Variants in DPP10 observed in about 807,000 individuals in gnomAD.
DPP10 encodes the protein inactive dipeptidyl peptidase 10.
In DPP10, 33 loss-of-function variants were observed where a neutral mutation model predicts 120.9. That is an observed-to-expected ratio of 0.27 (90% CI 0.21 to 0.37). DPP10 has a LOEUF of 0.37. Among genes scored for constraint, DPP10 ranks in the 10% least tolerant of loss-of-function variants. The probability of loss-of-function intolerance (pLI) is 1.00; values close to 1 mark genes in which losing one functional copy is unlikely to be tolerated. For synonymous variants in DPP10, 337 were observed against 326.1 expected, an observed-to-expected ratio of 1.03 and a Z score of -0.36; for missense variants, 816 against 942.8, an observed-to-expected ratio of 0.87 and a Z score of 1.76.
At position 114,979,122 on chromosome 2, in the gene DPP10, G is replaced by A. The variant is rs188929324; in HGVS notation, c.61-330117G>A. On this transcript the variant is annotated intron_variant, in intron 1 of 25. Transcript: ENST00000410059. Reference sequence around the variant, plus strand: ...ATATTTTCTAAATCAGTTGAATTTTGGAACCATTTTCAGTAGTGTTTTACA... The same window carrying A: ...ATATTTTCTAAATCAGTTGAATTTTAGAACCATTTTCAGTAGTGTTTTACA... Among the ~76,000 whole-genome samples the A allele has an allele frequency of 5.9e-4, 89 of 152,014 alleles. 1 individual carries two copies. In the East Asian group the frequency reaches 0.015, roughly 26 times the overall value.
intron 5 of DPP10, among the ~76,000 whole-genome samples, chr2:115,562,717 C>T (rs989376082): frequency 6.6e-6 from 1 of 152,192 alleles, no homozygotes; most frequent in East Asian, 1.9e-4. Flanking sequence ...AAAACATAAT[C>T]TCCCCAAAGG....
chr2:115,678,956 G>A (rs577791095), intron 5 of DPP10, among the ~76,000 whole-genome samples: 2 of 152,284 alleles, frequency 1.3e-5, no homozygotes, highest in South Asian at 2.1e-4. Flanking sequence ...GAGCCCCTTT[G>A]TTCTGGCCAG....
At chr2:115,618,209 T>C (rs1018207971) in intron 5 of DPP10, among the ~76,000 whole-genome samples, 2 of 152,190 alleles carry the variant, frequency 1.3e-5, no homozygotes, top group Admixed American at 6.5e-5. Context: ...AATAATATGC[T>C]TTCTACTAGG....
chr2:115,822,690 G>A (rs1393722118), intron 21 of DPP10, among the ~76,000 whole-genome samples: 1 of 150,442 alleles, frequency 6.6e-6, no homozygotes, highest in African/African-American at 2.5e-5. Flanking sequence ...CTGAATCTAT[G>A]CTTTGGTGCT....
chr2:114,507,956 G>A (rs1357280653), intron 1 of DPP10, among the ~76,000 whole-genome samples: 1 of 152,004 alleles, frequency 6.6e-6, no homozygotes. Context: ...TGAAAAAATG[G>A]CAAGTAGAAT....
chr2:114,565,629 C>T (rs764164361), intron 1 of DPP10, among the ~76,000 whole-genome samples: 25 of 152,180 alleles, frequency 1.6e-4, no homozygotes, highest in Non-Finnish European at 2.9e-4. Flanking sequence ...AGGCACACAG[C>T]GCAGCATACT....
intron 5 of DPP10, among the ~76,000 whole-genome samples, chr2:115,633,545 C>G (rs980060567): frequency 2.6e-5 from 4 of 151,888 alleles, no homozygotes; most frequent in African/African-American, 9.7e-5. Flanking sequence ...CAAACCTGCA[C>G]GTTGTACACA....
chr2:114,496,138 C>G (rs1332557728), intron 1 of DPP10, among the ~76,000 whole-genome samples: 1 of 152,084 alleles, frequency 6.6e-6, no homozygotes, highest in African/African-American at 2.4e-5. Flanking sequence ...AAGCAGCTAC[C>G]ACTTCTAAAG....
intron 5 of DPP10, among the ~76,000 whole-genome samples, chr2:115,561,069 C>T (rs1169179252): frequency 6.6e-6 from 1 of 152,032 alleles, no homozygotes; most frequent in African/African-American, 2.4e-5. Flanking sequence ...CAAGGACTGG[C>T]CAGGTGCAGT....
chr2:114,573,244 A>G (rs1383708086), intron 1 of DPP10, among the ~76,000 whole-genome samples: 2 of 152,220 alleles, frequency 1.3e-5, no homozygotes, highest in African/African-American at 4.8e-5. Context: ...TTGGCTTTCC[A>G]AAACATTGTG....
In DPP10 at chr2:114,834,932, A is replaced by G. The variant is rs951148940; in HGVS notation, c.60+392094A>G. Among the ~76,000 whole-genome samples the G allele has an allele frequency of 5.4e-5, 8 of 147,604 alleles. 1 individual carries two copies. The highest frequency in any genetic ancestry group is 1.3e-4 in the African/African-American group (5 of 38,000). ...ACACACCTATGTATATATAAGCCAT[A>G]TCTACACACCTATGTATATATAAGC... On this transcript the variant is annotated intron_variant, in intron 1 of 25. Coordinates refer to ENST00000410059, the MANE Select transcript of DPP10 (RefSeq NM_020868.6).
chr2:114,741,450 C>A (rs1351623098), intron 1 of DPP10, among the ~76,000 whole-genome samples: 1 of 152,178 alleles, frequency 6.6e-6, no homozygotes, highest in East Asian at 1.9e-4. Flanking sequence ...GCTTAAAATT[C>A]TTGGAGGAGA....
At chr2:115,818,896 G>T (rs1294955957) in intron 21 of DPP10, among the ~76,000 whole-genome samples, 1 of 147,238 alleles carries the variant, frequency 6.8e-6, no homozygotes, top group East Asian at 2.0e-4. Context: ...AAATATGAAT[G>T]ACTTCATCTT....
At chr2:115,604,715 T>C (rs1258151059) in intron 5 of DPP10, among the ~76,000 whole-genome samples, 2 of 144,362 alleles carry the variant, frequency 1.4e-5, no homozygotes, top group Non-Finnish European at 3.1e-5. Flanking sequence ...CTGACTGTCT[T>C]TCAGTTTTCT....
At chr2:115,468,840 C>A in intron 3 of DPP10, 1 of 427,880 alleles carries the variant, frequency 2.3e-6, no homozygotes, top group East Asian at 6.0e-5. Flanking sequence ...CAGGGCTCTG[C>A]TGAAGACTGG....
At chr2:114,803,548 T>C (rs1270665687) in intron 1 of DPP10, among the ~76,000 whole-genome samples, 1 of 152,180 alleles carries the variant, frequency 6.6e-6, no homozygotes, top group Non-Finnish European at 1.5e-5. Flanking sequence ...AGGTCCAGGC[T>C]AAGGTGGTCT....
At chr2:115,048,001 T>G (rs561306588) in intron 1 of DPP10, among the ~76,000 whole-genome samples, 14 of 152,238 alleles carry the variant, frequency 9.2e-5, no homozygotes, top group African/African-American at 2.9e-4. Context: ...AGTCTTACTC[T>G]CCAATGATTT....
intron 5 of DPP10, among the ~76,000 whole-genome samples, chr2:115,661,267 G>T (rs2088950747): frequency 6.6e-6 from 1 of 151,944 alleles, no homozygotes; most frequent in African/African-American, 2.4e-5. Flanking sequence ...ATTTTAATTT[G>T]GTTTTGCACA....
At chr2:114,631,591 C>T (rs890042758) in intron 1 of DPP10, among the ~76,000 whole-genome samples, 1 of 152,130 alleles carries the variant, frequency 6.6e-6, no homozygotes, top group Non-Finnish European at 1.5e-5. Flanking sequence ...ACTCACAGGG[C>T]CTGCCTGCGT....
Sources: allele counts gnomAD v4.1 joint callset (sites outside exome capture counted in the v4.1 genomes callset), GRCh38; gene constraint gnomAD v4.1.1; transcripts MANE v1.5; gene names NCBI Gene and HGNC (gene_info 2026-07-23, HGNC 2026-07-21).